The following MFHAS1 variants were observed in gnomAD, a reference collection of about 807,000 sequenced individuals.
MFHAS1 encodes the protein malignant fibrous histiocytoma-amplified sequence 1.
MFHAS1 carries 50 observed loss-of-function variants against 70.4 expected under a neutral mutation model. The ratio of observed to expected loss-of-function variants is 0.71; its 90% confidence interval spans 0.57 to 0.90. The LOEUF is 0.90. Ranked by LOEUF, MFHAS1 falls within the 40% of genes least tolerant of loss-of-function variation. The pLI, the probability that MFHAS1 is intolerant of heterozygous loss-of-function variation, is 0.00. For synonymous variants in MFHAS1, 952 were observed against 620.0 expected (o/e 1.54, Z -7.96); for missense variants, 1,795 against 1,347.6 (o/e 1.33, Z -5.20).
intron 1 of MFHAS1, among the ~76,000 whole-genome samples, chr8:8,847,840 G>C (rs1203673587): frequency 6.6e-6 from 1 of 152,166 alleles, no homozygotes; most frequent in Non-Finnish European, 1.5e-5. Context: ...GCTCAGCTTA[G>C]TCTAATCAAT....
At chr8:8,858,869 A>G (rs1808554330) in intron 1 of MFHAS1, among the ~76,000 whole-genome samples, 1 of 152,246 alleles carries the variant, frequency 6.6e-6, no homozygotes, top group Non-Finnish European at 1.5e-5. Context: ...ATCCGTAACA[A>G]CAAGGATAAA....
chr8:8,879,410 T>C (rs1342664307), intron 1 of MFHAS1, among the ~76,000 whole-genome samples: 1 of 152,164 alleles, frequency 6.6e-6, no homozygotes, highest in African/African-American at 2.4e-5. Flanking sequence ...GAAAGGCTGA[T>C]TCGTTTGGGA....
At position 8,890,190 on chromosome 8, in the gene MFHAS1, G is replaced by C; in HGVS notation, c.2869C>G (p.Gln957Glu). 2.5e-6 allele frequency: 4 copies of C among 1,614,164 alleles called. No individual in the cohort carries two copies. Among genetic ancestry groups the C allele is most frequent in the Non-Finnish European group, 3.4e-6 (4 of 1,180,032 alleles). ...ASLPNIWTAW[Q>E]AITPLVEELN... ...TCCTCCACCAAGGGGGTTATGGCTTGCCATGCGGTCCATATATTTGGTAAT... is the reference window on the plus strand; with the variant it reads ...TCCTCCACCAAGGGGGTTATGGCTTCCCATGCGGTCCATATATTTGGTAAT... The change falls in exon 1 of 3, where the codon CAA (glutamine) becomes GAA (glutamate). Residue 957 changes from glutamine to glutamate, a missense_variant. Coordinates refer to ENST00000276282, the MANE Select transcript of MFHAS1 (RefSeq NM_004225.3).
At chr8:8,833,759 G>A (rs1043412129) in intron 1 of MFHAS1, among the ~76,000 whole-genome samples, 1 of 152,186 alleles carries the variant, frequency 6.6e-6, no homozygotes, top group Non-Finnish European at 1.5e-5. Context: ...AATGTTCATA[G>A]TGACTTTATT....
chr8:8,811,312 A>AT lies in MFHAS1; in HGVS notation c.2999-13822dup, dbSNP rs72584154. Among the ~76,000 whole-genome samples the AT allele has an allele frequency of 9.4e-3, 1,387 of 148,160 alleles. 18 individuals carry two copies. The highest frequency in any genetic ancestry group is 0.031 in the African/African-American group (1,265 of 40,730). ...ATTATAATTGCAAACCAGAATAAAA[A>AT]TTTTTTTTTTTTTGAGATAGGGTCT... On this transcript the variant is annotated intron_variant, in intron 1 of 2. Coordinates refer to ENST00000276282, the MANE Select transcript of MFHAS1 (RefSeq NM_004225.3).
At chr8:8,788,593 T>A (rs553645356) in intron 2 of MFHAS1, among the ~76,000 whole-genome samples, 1 of 152,132 alleles carries the variant, frequency 6.6e-6, no homozygotes, top group Admixed American at 6.5e-5. Flanking sequence ...GCAGGATAAT[T>A]GCTTGAACCC....
At chr8:8,812,302 G>A (rs562292114) in intron 1 of MFHAS1, among the ~76,000 whole-genome samples, 11 of 152,244 alleles carry the variant, frequency 7.2e-5, no homozygotes, top group Non-Finnish European at 1.0e-4. Flanking sequence ...TGAAGCCGGC[G>A]TAAGATCTTA....
intron 1 of MFHAS1, among the ~76,000 whole-genome samples, chr8:8,884,514 G>C (rs540079752): frequency 6.6e-5 from 10 of 152,290 alleles, no homozygotes; most frequent in African/African-American, 2.4e-4. Flanking sequence ...TGGTCAAAAT[G>C]AAGGACCCAT....
chr8:8,820,364 ATTTTTTGTG>A (rs1196269015), intron 1 of MFHAS1, among the ~76,000 whole-genome samples: 2 of 151,986 alleles, frequency 1.3e-5, no homozygotes, highest in African/African-American at 4.8e-5. Flanking sequence ...CACATCAGGA[ATTTTTTGTG>A]TTGATTTCTT....
At chr8:8,872,939 G>A (rs183006868) in intron 1 of MFHAS1, among the ~76,000 whole-genome samples, 11 of 152,292 alleles carry the variant, frequency 7.2e-5, no homozygotes, top group Admixed American at 6.5e-4. Flanking sequence ...GCAGAACATC[G>A]TGCAAGAGTG....
chr8:8,811,654 G>C (rs985376077), intron 1 of MFHAS1, among the ~76,000 whole-genome samples: 1 of 152,194 alleles, frequency 6.6e-6, no homozygotes, highest in Non-Finnish European at 1.5e-5. Context: ...TCCTCTGCAG[G>C]GACGTAAGCT....
chr8:8,834,489 C>T (rs1807527068), intron 1 of MFHAS1, among the ~76,000 whole-genome samples: 1 of 152,216 alleles, frequency 6.6e-6, no homozygotes, highest in South Asian at 2.1e-4. Context: ...TGTATTTTGA[C>T]AGTACCTCTT....
chr8:8,864,967 T>TA (rs1207279192), intron 1 of MFHAS1, among the ~76,000 whole-genome samples: 2 of 151,996 alleles, frequency 1.3e-5, no homozygotes, highest in Non-Finnish European at 2.9e-5. Flanking sequence ...CCACCTAGAT[T>TA]AAAAAACAAA....
intron 1 of MFHAS1, among the ~76,000 whole-genome samples, chr8:8,851,327 C>A (rs1406869894): frequency 6.6e-6 from 1 of 152,130 alleles, no homozygotes; most frequent in Non-Finnish European, 1.5e-5. Flanking sequence ...ACAGTTTCTG[C>A]CATTTCAATG....
chr8:8,795,542 A>G (rs1279950625), intron 2 of MFHAS1, among the ~76,000 whole-genome samples: 2 of 152,260 alleles, frequency 1.3e-5, no homozygotes, highest in African/African-American at 4.8e-5. Flanking sequence ...GCATTAGATA[A>G]CAGTTTCCCT....
chr8:8,864,697 A>G (rs1036929418), intron 1 of MFHAS1, among the ~76,000 whole-genome samples: 2 of 152,194 alleles, frequency 1.3e-5, no homozygotes, highest in African/African-American at 2.4e-5. Flanking sequence ...ATGTAAACTG[A>G]ATTTTCCAGT....
chr8:8,863,493 G>C (rs556827367), intron 1 of MFHAS1, among the ~76,000 whole-genome samples: 3 of 152,254 alleles, frequency 2.0e-5, no homozygotes, highest in African/African-American at 7.2e-5. Context: ...ATCCAGAATG[G>C]ACTGTTACCT....
chr8:8,880,833 C>T (rs1049003204), intron 1 of MFHAS1, among the ~76,000 whole-genome samples: 2 of 152,018 alleles, frequency 1.3e-5, no homozygotes, highest in African/African-American at 2.4e-5. Context: ...TACAGGCACA[C>T]ACCACCACAC....
At chr8:8,792,227 ACT>A (rs1244932254) in intron 2 of MFHAS1, among the ~76,000 whole-genome samples, 1 of 151,958 alleles carries the variant, frequency 6.6e-6, no homozygotes, top group East Asian at 1.9e-4. Context: ...AAGGAGTGAG[ACT>A]CTGTCCCAAA....
Sources: gnomAD v4.1 joint callset for allele counts (sites outside exome capture counted in the v4.1 genomes callset) on GRCh38, gnomAD v4.1.1 for gene constraint, MANE v1.5 for transcripts, NCBI Gene and HGNC (gene_info 2026-07-23, HGNC 2026-07-21) for gene names.